The following PLCB4 variants were observed in gnomAD, a reference collection of about 807,000 sequenced individuals.
PLCB4 encodes phospholipase C beta 4.
A neutral mutation model predicts 178.8 loss-of-function variants in PLCB4; 77 were observed. That is an observed-to-expected ratio of 0.43 (90% confidence interval 0.36 to 0.52). PLCB4 has a LOEUF of 0.52. Ranked by LOEUF, PLCB4 falls within the 20% of genes least tolerant of loss-of-function variation. The pLI, the probability that PLCB4 is intolerant of heterozygous loss-of-function variation, is 0.00. For synonymous variants in PLCB4, 496 were observed against 490.8 expected, an observed-to-expected ratio of 1.01 and a Z score of -0.14; for missense variants, 1,024 against 1,453.4, an observed-to-expected ratio of 0.70 and a Z score of 4.80.
chr20:9,453,399 C>G lies in PLCB4; in HGVS notation c.2933C>G (p.Ala978Gly). 1 of 1,612,980 alleles carries G rather than the reference C, an allele frequency of 6.2e-7. No homozygotes were observed. Among genetic ancestry groups the G allele is most frequent in the Non-Finnish European group, 8.5e-7 (1 of 1,179,348 alleles). The change falls in exon 33 of 40, where the codon GCA (alanine) becomes GGA (glycine). Residue 978 changes from alanine to glycine, a missense_variant. Ala to Gly is a moderately conservative substitution (Grantham distance 60). This residue lies in a region of PLCB4 where 264 missense variants were observed against 283.2 expected (regional missense o/e 0.93). Coordinates refer to ENST00000378473, the MANE Select transcript of PLCB4 (RefSeq NM_001377142.1). ...TGCACGCAAGTTGACAAAATTGTGG[C>G]ACAGTATGACAAAGAGAAGTCGACT... ...LHCTQVDKIV[A>G]QYDKEKSTHE...
intron 38 of PLCB4, among the ~76,000 whole-genome samples, chr20:9,474,462 A>C (rs1231177704): frequency 6.6e-6 from 1 of 152,156 alleles, no homozygotes; most frequent in Non-Finnish European, 1.5e-5. Flanking sequence ...GTTATTCTTT[A>C]GGTGTAGTTG....
At chr20:9,253,690 C>T (rs1349307317) in intron 3 of PLCB4, among the ~76,000 whole-genome samples, 3 of 152,184 alleles carry the variant, frequency 2.0e-5, no homozygotes, top group Non-Finnish European at 2.9e-5. Flanking sequence ...TCATAGAAAG[C>T]AGCTCTGAAT....
chr20:9,245,381 A>G (rs911264552), intron 3 of PLCB4, among the ~76,000 whole-genome samples: 7 of 152,144 alleles, frequency 4.6e-5, no homozygotes, highest in African/African-American at 1.7e-4. Context: ...AAATCCCTGG[A>G]ATCTGTGAAT....
intron 1 of PLCB4, among the ~76,000 whole-genome samples, chr20:9,073,762 C>G (rs981528755): frequency 2.6e-5 from 4 of 151,992 alleles, no homozygotes; most frequent in African/African-American, 9.7e-5. Flanking sequence ...GGTGCACATG[C>G]CTGTAATCCT....
chr20:9,215,010 T>G (rs2093713821), intron 2 of PLCB4, among the ~76,000 whole-genome samples: 1 of 152,182 alleles, frequency 6.6e-6, no homozygotes, highest in Non-Finnish European at 1.5e-5. Context: ...AAGTGGTTTC[T>G]CAAAACGAGG....
chr20:9,444,070 C>A, intron 31 of PLCB4, 40 bp downstream of exon 31: 2 of 1,472,738 alleles, frequency 1.4e-6, no homozygotes, highest in Non-Finnish European at 1.9e-6. Context: ...TCTTGTATTA[C>A]ACATATTGGT....
chr20:9,351,939 A>G (rs1043377834), intron 7 of PLCB4, among the ~76,000 whole-genome samples: 9 of 152,210 alleles, frequency 5.9e-5, no homozygotes, highest in African/African-American at 1.7e-4. Context: ...CTCTATGAAC[A>G]CCTTTTAATT....
intron 3 of PLCB4, among the ~76,000 whole-genome samples, chr20:9,269,658 T>C (rs1048054453): frequency 4.6e-5 from 7 of 152,160 alleles, no homozygotes; most frequent in African/African-American, 1.4e-4. Flanking sequence ...TAAACTACTC[T>C]TATATCAACA....
chr20:9,128,673 C>A (rs531103028), intron 2 of PLCB4, among the ~76,000 whole-genome samples: 1 of 152,304 alleles, frequency 6.6e-6, no homozygotes, highest in Admixed American at 6.5e-5. Context: ...CAGGCATGAG[C>A]CACCGCACCC....
intron 4 of PLCB4, among the ~76,000 whole-genome samples, chr20:9,319,092 CTT>C (rs1416648621): frequency 6.6e-6 from 1 of 152,148 alleles, no homozygotes; most frequent in Non-Finnish European, 1.5e-5. Context: ...ATTGCACTCT[CTT>C]AATGCATGTG....
chr20:9,478,673 T>G (rs920201860), intron 39 of PLCB4, among the ~76,000 whole-genome samples: 2 of 152,172 alleles, frequency 1.3e-5, no homozygotes. Flanking sequence ...TTAATGTGTA[T>G]AAAAACTTCC....
chr20:9,180,295 T>A (rs577860543), intron 2 of PLCB4, among the ~76,000 whole-genome samples: 1 of 152,308 alleles, frequency 6.6e-6, no homozygotes, highest in South Asian at 2.1e-4. Context: ...TAGCTTATAC[T>A]CTGACAATAA....
chr20:9,148,176 G>A (rs1296925144), intron 2 of PLCB4, among the ~76,000 whole-genome samples: 2 of 152,088 alleles, frequency 1.3e-5, no homozygotes, highest in African/African-American at 4.8e-5. Context: ...CAGTCCCAGA[G>A]AGGTTAATTG....
At chr20:9,367,192 G>T (rs1049583804) in intron 9 of PLCB4, among the ~76,000 whole-genome samples, 1 of 152,064 alleles carries the variant, frequency 6.6e-6, no homozygotes, top group African/African-American at 2.4e-5. Flanking sequence ...AAACAATCAC[G>T]ACCTAAAGTA....
intron 1 of PLCB4, among the ~76,000 whole-genome samples, chr20:9,070,126 G>A (rs978171573): frequency 6.6e-6 from 1 of 151,938 alleles, no homozygotes; most frequent in Non-Finnish European, 1.5e-5. Context: ...TGGAAATAAC[G>A]TTATTCAAAC....
At chr20:9,384,162 A>G in intron 13 of PLCB4, 39 bp from the exon 14 acceptor site, 1 of 1,440,158 alleles carries the variant, frequency 6.9e-7, no homozygotes. Flanking sequence ...ATGCATCTTC[A>G]GAGCTACAAG....
intron 35 of PLCB4, among the ~76,000 whole-genome samples, chr20:9,460,185 A>G (rs1274247045): frequency 6.6e-6 from 1 of 152,380 alleles, no homozygotes; most frequent in Non-Finnish European, 1.5e-5. Flanking sequence ...GTCAGATAAC[A>G]AAGTAGCATA....
chr20:9,470,884 C>CA (rs1478976715), intron 36 of PLCB4, among the ~76,000 whole-genome samples: 1 of 152,148 alleles, frequency 6.6e-6, no homozygotes, highest in Non-Finnish European at 1.5e-5. Context: ...AAAATATCTA[C>CA]AAATTGGCTG....
At chr20:9,318,353 G>A (rs1420006087) in intron 4 of PLCB4, among the ~76,000 whole-genome samples, 1 of 151,930 alleles carries the variant, frequency 6.6e-6, no homozygotes, top group Non-Finnish European at 1.5e-5. Flanking sequence ...ATGCTGAATC[G>A]CTTCTGGGTG....
Sources: allele counts gnomAD v4.1 joint callset (sites outside exome capture counted in the v4.1 genomes callset), GRCh38; gene constraint gnomAD v4.1.1; regional missense constraint gnomAD v4.1.1; transcripts MANE v1.5; gene names NCBI Gene and HGNC (gene_info 2026-07-23, HGNC 2026-07-21).